The following SDK1 variants were observed in gnomAD, a reference collection of about 807,000 sequenced individuals.
SDK1 encodes sidekick cell adhesion molecule 1.
Under a neutral mutation model 245.5 loss-of-function variants are expected in SDK1, and 157 were observed. The observed-to-expected ratio is 0.64, with a 90% CI of 0.56 to 0.73. SDK1 has a LOEUF of 0.73. Ranked by LOEUF, SDK1 falls within the 30% of genes least tolerant of loss-of-function variation. SDK1 has a pLI of 0.00. For synonymous variants in SDK1, 1,647 were observed against 1,278.5 expected (o/e 1.29, Z -6.15); for missense variants, 3,583 against 3,002.3 (o/e 1.19, Z -4.52).
rs1334951903 is a variant in SDK1 at position 3,742,017 on chromosome 7, G to T, written c.714-79433G>T. Among the ~76,000 whole-genome samples the T allele has an allele frequency of 5.1e-5, 6 of 117,358 alleles. No homozygotes were observed. In the South Asian group the frequency reaches 1.8e-3, roughly 35 times the overall value. 77.0% of individuals were successfully genotyped at this position (117,358 alleles called of 152,430 possible). A position where few individuals can be genotyped will look rare whatever the true frequency, so the allele number is the denominator to read the frequency against. The stretch of plus-strand genomic sequence containing the variant: ...ATATATATATATATATATATATGCT[G>T]TATTTTTAAACTGATTTTAGAATTA... On this transcript the variant is annotated intron_variant, in intron 4 of 44. Coordinates refer to ENST00000404826, the MANE Select transcript of SDK1 (RefSeq NM_152744.4).
At chr7:3,506,766 G>T (rs956649341) in intron 1 of SDK1, among the ~76,000 whole-genome samples, 1 of 150,102 alleles carries the variant, frequency 6.7e-6, no homozygotes, top group African/African-American at 2.4e-5. Flanking sequence ...TCCAGTTCAG[G>T]TGTTGTATTT....
chr7:3,609,636 A>T (rs140160418), intron 1 of SDK1, among the ~76,000 whole-genome samples: 2 of 151,934 alleles, frequency 1.3e-5, no homozygotes, highest in African/African-American at 4.8e-5. Context: ...TCCTGATCTT[A>T]TGATCTGTCC....
At chr7:3,900,289 C>T (rs192406123) in intron 5 of SDK1, among the ~76,000 whole-genome samples, 6 of 152,248 alleles carry the variant, frequency 3.9e-5, no homozygotes, top group South Asian at 2.1e-4. Context: ...ATTTAACACG[C>T]GTAATTGAAC....
At chr7:3,462,328 C>T (rs1041095708) in intron 1 of SDK1, among the ~76,000 whole-genome samples, 1 of 152,156 alleles carries the variant, frequency 6.6e-6, no homozygotes, top group African/African-American at 2.4e-5. Flanking sequence ...ATCTTTCTCT[C>T]TTCCCCCCTG....
chr7:3,926,293 T>A (rs981705982), intron 5 of SDK1, among the ~76,000 whole-genome samples: 15 of 152,188 alleles, frequency 9.9e-5, no homozygotes, highest in Non-Finnish European at 4.4e-5. Context: ...TCATGAGCAA[T>A]GAAAATGACA....
At chr7:3,972,524 T>G (rs896251382) in intron 12 of SDK1, among the ~76,000 whole-genome samples, 2 of 152,230 alleles carry the variant, frequency 1.3e-5, no homozygotes, top group Admixed American at 6.5e-5. Flanking sequence ...AGCAGCCACC[T>G]TCAGGATAAT....
chr7:4,221,197 C>A, intron 39 of SDK1, 42 bp from the exon 40 acceptor site: 2 of 1,608,018 alleles, frequency 1.2e-6, no homozygotes, highest in Non-Finnish European at 1.7e-6. Flanking sequence ...GTGAGCCCCG[C>A]AGGGCTGATG....
At chr7:4,176,538 G>C (rs1408267545) in intron 34 of SDK1, among the ~76,000 whole-genome samples, 1 of 152,118 alleles carries the variant, frequency 6.6e-6, no homozygotes, top group Non-Finnish European at 1.5e-5. Context: ...TAGGTGTACA[G>C]TTCAGTGGCA....
chr7:3,707,793 T>C (rs1236537764), intron 4 of SDK1, among the ~76,000 whole-genome samples: 1 of 152,236 alleles, frequency 6.6e-6, no homozygotes, highest in African/African-American at 2.4e-5. Flanking sequence ...CTCTTATCAT[T>C]ACATAATGAC....
chr7:3,744,418 T>C lies in SDK1; in HGVS notation c.714-77032T>C, dbSNP rs550515062. Among the ~76,000 whole-genome samples the C allele has an allele frequency of 5.9e-5, 9 of 152,288 alleles. No individual in the cohort carries two copies. In the East Asian group the frequency reaches 1.7e-3, roughly 29 times the overall value. The stretch of plus-strand genomic sequence containing the variant: ...GCACAGACTTCATCTGCCAAACATA[T>C]ACTAGGTATCCAGTAAATCCGATCA... On this transcript the variant is annotated intron_variant, in intron 4 of 44. Transcript: ENST00000404826.
At position 3,374,065 on chromosome 7, in the gene SDK1, T is replaced by G. The variant is rs138391121; in HGVS notation, c.298+72181T>G. ...AATTAAATGTCATCTCAGTCCAAAT[T>G]GTGGATTTTTCTTTTTTTTAACTTG... On this transcript the variant is annotated intron_variant, in intron 1 of 44. Transcript: ENST00000404826. Among the ~76,000 whole-genome samples, 11 of 152,266 alleles carry G rather than the reference T, an allele frequency of 7.2e-5. No individual in the cohort carries two copies. In the Middle Eastern group the frequency reaches 0.01, roughly 141 times the overall value.
chr7:3,949,489 G>C (rs1780711434), intron 5 of SDK1, among the ~76,000 whole-genome samples: 1 of 152,322 alleles, frequency 6.6e-6, no homozygotes, highest in African/African-American at 2.4e-5. Flanking sequence ...CCTTTCAGTT[G>C]CCAGAATCCT....
At position 3,318,731 on chromosome 7, in the gene SDK1, C is replaced by G. The variant is rs1303016846; in HGVS notation, c.298+16847C>G. On this transcript the variant is annotated intron_variant, in intron 1 of 44. Coordinates refer to ENST00000404826, the MANE Select transcript of SDK1 (RefSeq NM_152744.4). ...TTGGCCTGTTGATGAATATATTGAC[C>G]TAGCATAGCCCTTGCCATTGCATTA... 4.6e-5 allele frequency among the ~76,000 whole-genome samples: 7 copies of G among 152,212 alleles called. No homozygotes were observed. The South Asian group carries it at 1.5e-3, about 32-fold the overall frequency.
intron 9 of SDK1, among the ~76,000 whole-genome samples, chr7:3,964,635 T>C (rs567284783): frequency 6.6e-6 from 1 of 152,338 alleles, no homozygotes; most frequent in South Asian, 2.1e-4. Context: ...TCTTCCATGG[T>C]TGTATAATAC....
intron 1 of SDK1, among the ~76,000 whole-genome samples, chr7:3,319,730 A>G (rs1162730000): frequency 1.3e-5 from 2 of 152,042 alleles, no homozygotes; most frequent in Non-Finnish European, 2.9e-5. Flanking sequence ...CTTTTTTGCC[A>G]TTCCATCGTG....
chr7:4,242,515 C>T (rs1002261179), intron 43 of SDK1, among the ~76,000 whole-genome samples: 2 of 152,142 alleles, frequency 1.3e-5, no homozygotes, highest in South Asian at 2.1e-4. Context: ...ATGTGCAGAG[C>T]GCCATCCTCT....
chr7:4,091,737 C>T (rs1781816265), intron 22 of SDK1, among the ~76,000 whole-genome samples: 1 of 151,822 alleles, frequency 6.6e-6, no homozygotes, highest in African/African-American at 2.4e-5. Flanking sequence ...TAGATAAGAG[C>T]TGCTGTTCAG....
At position 4,017,309 on chromosome 7, in the gene SDK1, G is replaced by A; in HGVS notation, c.2559G>A (p.Leu853=). 1 of 1,613,868 alleles carries A rather than the reference G, an allele frequency of 6.2e-7. No homozygotes were observed. Among genetic ancestry groups the A allele is most frequent in the Non-Finnish European group, 8.5e-7 (1 of 1,179,866 alleles). Residue 853 remains leucine, a synonymous_variant, in exon 17 of 45, where the codon CTG becomes CTA. Transcript: ENST00000404826. ...IQVAAYNGAG[L]GVFSRAVTEY... ...TGGCGGCGTACAACGGGGCCGGTCT[G>A]GGCGTCTTCAGCAGGGCAGTGACCG...
At chr7:4,223,030 C>T (rs1584480327) in intron 40 of SDK1, among the ~76,000 whole-genome samples, 1 of 151,668 alleles carries the variant, frequency 6.6e-6, no homozygotes, top group Non-Finnish European at 1.5e-5. Context: ...AGGGAGAGCA[C>T]CGATTTCTTC....
Sources: allele counts gnomAD v4.1 joint callset (sites outside exome capture counted in the v4.1 genomes callset), GRCh38; gene constraint gnomAD v4.1.1; transcripts MANE v1.5; gene names NCBI Gene and HGNC (gene_info 2026-07-23, HGNC 2026-07-21).